The following WLS variants were observed in gnomAD, a reference collection of about 807,000 sequenced individuals.
WLS encodes Wnt ligand secretion mediator, also known as protein wntless homolog.
A neutral mutation model predicts 62.8 loss-of-function variants in WLS; 23 were observed. That is an observed-to-expected ratio of 0.37 (90% CI 0.26 to 0.52). WLS has a LOEUF of 0.52. Among genes scored for constraint, WLS ranks in the 20% least tolerant of loss-of-function variants. WLS has a pLI of 0.92. For synonymous variants in WLS, 246 were observed against 244.1 expected (o/e 1.01, Z -0.07); for missense variants, 615 against 697.3 (o/e 0.88, Z 1.33).
At chr1:68,177,218 C>T (rs779707321) in intron 2 of WLS, among the ~76,000 whole-genome samples, 2 of 152,224 alleles carry the variant, frequency 1.3e-5, no homozygotes, top group Non-Finnish European at 2.9e-5. Context: ...TTTTGGTACT[C>T]ATGGGGCATA....
At chr1:68,114,706 G>A (rs1488974979) in intron 11 of WLS, among the ~76,000 whole-genome samples, 2 of 152,190 alleles carry the variant, frequency 1.3e-5, no homozygotes, top group African/African-American at 2.4e-5. Context: ...GCCAGCCCCT[G>A]AAGGCTGAGA....
At chr1:68,110,691 C>CTCTCT (rs1646216406) in intron 11 of WLS, among the ~76,000 whole-genome samples, 2 of 143,070 alleles carry the variant, frequency 1.4e-5, no homozygotes, top group African/African-American at 5.2e-5. Flanking sequence ...CTCTCTCTCT[C>CTCTCT]CATATATATA....
chr1:68,191,871 A>C (rs1178745667), intron 2 of WLS, among the ~76,000 whole-genome samples: 2 of 152,050 alleles, frequency 1.3e-5, no homozygotes, highest in Non-Finnish European at 2.9e-5. Context: ...CATTCACCTC[A>C]AAGAGCTGTC....
chr1:68,148,102 GAAAT>G, intron 8 of WLS, 30 bp downstream of exon 8: 1 of 1,611,720 alleles, frequency 6.2e-7, no homozygotes, highest in Non-Finnish European at 8.5e-7. Context: ...GCCAGGGGAA[GAAAT>G]AAAACCCTGA....
intron 2 of WLS, chr1:68,162,058 A>G (rs1304731260): frequency 6.3e-7 from 1 of 1,589,804 alleles, no homozygotes; most frequent in African/African-American, 1.3e-5. Flanking sequence ...GTGACCTGTG[A>G]TGGCTCGGCG....
chr1:68,177,906 A>G (rs1225576097), intron 2 of WLS, among the ~76,000 whole-genome samples: 1 of 152,216 alleles, frequency 6.6e-6, no homozygotes, highest in Non-Finnish European at 1.5e-5. Context: ...AGGTAGTACT[A>G]CTATTCTATT....
intron 11 of WLS, among the ~76,000 whole-genome samples, chr1:68,102,288 C>T (rs187740821): frequency 6.6e-5 from 10 of 152,294 alleles, no homozygotes; most frequent in East Asian, 1.9e-4. Flanking sequence ...AATGACTTCT[C>T]TTCTTAGGGA....
intron 9 of WLS, among the ~76,000 whole-genome samples, chr1:68,145,494 C>G (rs1189993686): frequency 6.6e-6 from 1 of 152,070 alleles, no homozygotes; most frequent in Non-Finnish European, 1.5e-5. Context: ...TGTTTAATTA[C>G]AGGACAGGGT....
chr1:68,135,623 C>T (rs1387517455), intron 11 of WLS, among the ~76,000 whole-genome samples: 1 of 152,158 alleles, frequency 6.6e-6, no homozygotes, highest in Admixed American at 6.5e-5. Context: ...TTATTTCCCA[C>T]CGGTATTATC....
Position 68,125,639 on chromosome 1 carries a change from A to AATAAATCTTCTC in WLS, c.*575_*586dup. 1.0e-6 allele frequency: 1 copy of AATAAATCTTCTC among 985,592 alleles called. No homozygotes were observed. 61.1% of individuals were successfully genotyped at this position (985,592 alleles called of 1,614,324 possible). ...TTCAAAGCTGAAATACCCCTGGTGG[A>AATAAATCTTCTC]ATAAATCTTCTCATGAAATTCAGTT... On this transcript the variant is annotated 3_prime_UTR_variant, in exon 12 of 12. Coordinates refer to ENST00000262348, the MANE Select transcript of WLS (RefSeq NM_024911.7).
At chr1:68,127,942 C>T (rs980571167) in intron 11 of WLS, among the ~76,000 whole-genome samples, 2 of 152,090 alleles carry the variant, frequency 1.3e-5, no homozygotes, top group Non-Finnish European at 2.9e-5. Flanking sequence ...AGTTTCTCAT[C>T]GTAGACCCAT....
intron 11 of WLS, chr1:68,098,769 T>C: frequency 6.2e-7 from 1 of 1,613,092 alleles, no homozygotes; most frequent in South Asian, 1.1e-5. Context: ...AAATTCAGTA[T>C]ATTTTAAAAC....
At chr1:68,116,639 C>T (rs910004843) in intron 11 of WLS, among the ~76,000 whole-genome samples, 4 of 152,182 alleles carry the variant, frequency 2.6e-5, no homozygotes, top group Non-Finnish European at 4.4e-5. Context: ...ACATCCATAG[C>T]AGGGATTCTA....
At chr1:68,128,908 G>A (rs978836988) in intron 11 of WLS, among the ~76,000 whole-genome samples, 2 of 150,318 alleles carry the variant, frequency 1.3e-5, no homozygotes, top group African/African-American at 2.4e-5. Context: ...AAATAAATAG[G>A]TGCCAGGATG....
At chr1:68,174,313 G>A (rs182062407) in intron 2 of WLS, among the ~76,000 whole-genome samples, 11 of 152,292 alleles carry the variant, frequency 7.2e-5, no homozygotes, top group Admixed American at 2.0e-4. Flanking sequence ...TTATTCACAC[G>A]AAGTATTTGT....
At position 68,216,452 on chromosome 1, in the gene WLS, G is replaced by A. The variant is rs184576491; in HGVS notation, c.106+15742C>T. On this transcript the variant is annotated intron_variant, in intron 1 of 11. Transcript: ENST00000262348. ...GGTATCAGGTGTATCAGTGCATTACGCAGATTTCACAAACACACAACAGAG... is the reference window on the plus strand; with the variant it reads ...GGTATCAGGTGTATCAGTGCATTACACAGATTTCACAAACACACAACAGAG... 3.9e-5 allele frequency among the ~76,000 whole-genome samples: 6 copies of A among 152,326 alleles called. No homozygotes were observed. The East Asian group carries it at 5.8e-4, about 15-fold the overall frequency.
chr1:68,102,397 T>C (rs2100292767), intron 11 of WLS, among the ~76,000 whole-genome samples: 1 of 152,274 alleles, frequency 6.6e-6, no homozygotes, highest in East Asian at 1.9e-4. Flanking sequence ...AACCGTTGAA[T>C]CGTAGCCTGG....
intron 11 of WLS, among the ~76,000 whole-genome samples, chr1:68,105,720 T>G (rs1346391025): frequency 1.3e-5 from 2 of 152,124 alleles, no homozygotes; most frequent in Non-Finnish European, 2.9e-5. Context: ...GTGTTAGTGA[T>G]TTTGGCCTCA....
chr1:68,195,918 G>T (rs1243714971), intron 1 of WLS, among the ~76,000 whole-genome samples: 2 of 151,886 alleles, frequency 1.3e-5, no homozygotes, highest in African/African-American at 4.8e-5. Flanking sequence ...TGATTGAACA[G>T]ACCCTCCCTT....
Sources: gnomAD v4.1 joint callset for allele counts (sites outside exome capture counted in the v4.1 genomes callset) on GRCh38, gnomAD v4.1.1 for gene constraint, MANE v1.5 for transcripts, NCBI Gene and HGNC (gene_info 2026-07-23, HGNC 2026-07-21) for gene names.